Variants in LMLN observed in about 807,000 individuals in gnomAD.
LMLN encodes the protein leishmanolysin like peptidase.
A neutral mutation model predicts 92.3 loss-of-function variants in LMLN; 70 were observed. The ratio of observed to expected loss-of-function variants is 0.76; its 90% CI spans 0.63 to 0.92. The LOEUF is 0.92. Ranked by LOEUF, LMLN falls within the 40% of genes least tolerant of loss-of-function variation. The pLI is 0.00. For synonymous variants in LMLN, 308 were observed against 296.2 expected, an observed-to-expected ratio of 1.04 and a Z score of -0.41; for missense variants, 691 against 814.6, an observed-to-expected ratio of 0.85 and a Z score of 1.85.
chr3:198,038,361 A>C (rs1462450474), intron 15 of LMLN: 5 of 494,558 alleles, frequency 1.0e-5, no homozygotes, highest in East Asian at 6.8e-5. Context: ...CATAGTGGAT[A>C]CATCATTTCT....
intron 14 of LMLN, among the ~76,000 whole-genome samples, chr3:198,026,790 A>G (rs1395816706): frequency 6.6e-6 from 1 of 152,112 alleles, no homozygotes; most frequent in African/African-American, 2.4e-5. Flanking sequence ...TTGGTGTTAG[A>G]GACTAAGATC....
chr3:198,025,146 G>C lies in LMLN; in HGVS notation c.1656+358G>C, dbSNP rs1334617681. Among the ~76,000 whole-genome samples the C allele has an allele frequency of 6.6e-6, 1 of 152,136 alleles. No homozygotes were observed. The highest frequency in any genetic ancestry group is 2.4e-5 in the African/African-American group (1 of 41,424). ...AGGACCTCATGGGTTATAAGAATTA[G>C]TAAATCAGGCTGGACGTGGTGGCTC... On this transcript the variant is annotated intron_variant, in intron 14 of 15. Coordinates refer to ENST00000330198, the Ensembl canonical transcript of LMLN. This position sits in a 1 kb window ranked among gnomAD's most constrained non-coding sequence, Gnocchi z 4.3.
intron 11 of LMLN, among the ~76,000 whole-genome samples, chr3:198,016,471 C>T (rs1722645334): frequency 6.6e-6 from 1 of 152,188 alleles, no homozygotes. Context: ...TCTCCATACC[C>T]CAGTTACTAA....
At chr3:198,000,848 T>G (rs1722152874) in intron 11 of LMLN, among the ~76,000 whole-genome samples, 1 of 152,224 alleles carries the variant, frequency 6.6e-6, no homozygotes, top group South Asian at 2.1e-4. Context: ...GAGCTAAGGC[T>G]TCATGAAACA....
rs147982481 is a variant in LMLN at position 197,999,519 on chromosome 3, A to G, written c.1232+177A>G. 1.3e-3 allele frequency: 759 copies of G among 594,118 alleles called. 8 individuals are homozygous for G. The highest frequency in any genetic ancestry group is 0.013 in the African/African-American group (680 of 53,678). 36.8% of individuals were successfully genotyped at this position (594,118 alleles called of 1,614,324 possible). The stretch of plus-strand genomic sequence containing the variant: ...ACCAACTCCATTCATTCATTCGTTC[A>G]TTCAATAAATACTTTTGTTGTTGGT... On this transcript the variant is annotated intron_variant, in intron 11 of 15. Coordinates refer to ENST00000330198, the Ensembl canonical transcript of LMLN.
At chr3:198,001,441 G>A (rs1008959216) in intron 11 of LMLN, among the ~76,000 whole-genome samples, 1 of 152,124 alleles carries the variant, frequency 6.6e-6, no homozygotes, top group Non-Finnish European at 1.5e-5. Flanking sequence ...TGCGCTCATC[G>A]ACATGTACCT....
chr3:198,008,008 C>T (rs529370149), intron 11 of LMLN, among the ~76,000 whole-genome samples: 42 of 152,114 alleles, frequency 2.8e-4, no homozygotes, highest in Admixed American at 1.4e-3. Context: ...TGATTTTTTT[C>T]GCCTGTTAAT....
intron 14 of LMLN, among the ~76,000 whole-genome samples, chr3:198,026,498 A>G (rs911520636): frequency 5.2e-4 from 78 of 150,230 alleles, no homozygotes; most frequent in Non-Finnish European, 8.0e-4. Flanking sequence ...TTGTATTTTT[A>G]GTACAAAAAT....
chr3:198,027,348 C>G (rs1272884157), intron 14 of LMLN, among the ~76,000 whole-genome samples: 1 of 152,026 alleles, frequency 6.6e-6, no homozygotes, highest in African/African-American at 2.4e-5. Flanking sequence ...GGAGGGATCA[C>G]TGGGCTTTTT....
chr3:197,964,442 C>G (rs1720992072), intron 1 of LMLN, among the ~76,000 whole-genome samples: 1 of 150,008 alleles, frequency 6.7e-6, no homozygotes, highest in African/African-American at 2.4e-5. Context: ...GCTCTGTTGC[C>G]CAGGCTGGAG....
intron 11 of LMLN, among the ~76,000 whole-genome samples, 175 bp from the exon 12 acceptor site, chr3:198,002,840 T>C (rs1303428954): frequency 1.3e-5 from 2 of 152,270 alleles, no homozygotes; most frequent in Non-Finnish European, 2.9e-5. Context: ...AATCCCTGTG[T>C]AGCAGTCCCT....
chr3:198,018,953 G>A (rs1722711928), intron 11 of LMLN, among the ~76,000 whole-genome samples: 1 of 152,180 alleles, frequency 6.6e-6, no homozygotes, highest in Admixed American at 6.5e-5. Context: ...TAATGGAACA[G>A]AACAAGTTGA....
chr3:197,970,569 T>C (rs1248922398), intron 1 of LMLN, among the ~76,000 whole-genome samples: 6 of 152,106 alleles, frequency 3.9e-5, no homozygotes, highest in Admixed American at 3.9e-4. Context: ...ATTCTTAGAG[T>C]CCAGGGTTTT....
intron 11 of LMLN, among the ~76,000 whole-genome samples, chr3:198,009,340 T>C (rs1722373453): frequency 6.6e-6 from 1 of 152,204 alleles, no homozygotes; most frequent in Admixed American, 6.5e-5. Context: ...ATGTTTAGGA[T>C]TGTTATATTT....
chr3:197,987,978 CT>C (rs1160811000), intron 8 of LMLN, among the ~76,000 whole-genome samples: 3 of 152,078 alleles, frequency 2.0e-5, no homozygotes, highest in African/African-American at 7.2e-5. Context: ...CTTGTCCAGT[CT>C]TTTAGGTTAA....
rs767930315 is a variant in LMLN at position 198,036,059 on chromosome 3, G to T, written c.1867+16G>T. 1.2e-6 allele frequency: 2 copies of T among 1,606,092 alleles called. No individual in the cohort carries two copies. The highest frequency in any genetic ancestry group is 2.2e-5 in the East Asian group (1 of 44,842). On this transcript the variant is annotated intron_variant, in intron 15 of 15. Transcript: ENST00000330198. ...CTGCCACTTGGTGAGTGCTCTCTATGGTTGGAATAAAGAGGGAAAAGTGAA... is the reference window on the plus strand; with the variant it reads ...CTGCCACTTGGTGAGTGCTCTCTATTGTTGGAATAAAGAGGGAAAAGTGAA...
At chr3:197,960,893 A>T (rs985626800) in intron 1 of LMLN, among the ~76,000 whole-genome samples, 1 of 152,256 alleles carries the variant, frequency 6.6e-6, no homozygotes, top group East Asian at 1.9e-4. Context: ...TTGAACGGAG[A>T]GCCAGATAGA....
intron 6 of LMLN, among the ~76,000 whole-genome samples, chr3:197,981,771 T>G (rs1275139811): frequency 3.3e-5 from 5 of 151,430 alleles, no homozygotes; most frequent in African/African-American, 9.7e-5. Context: ...GATTTGAGAT[T>G]AGCGATTAGC....
intron 11 of LMLN, among the ~76,000 whole-genome samples, chr3:198,015,952 C>T (rs191228374): frequency 2.0e-4 from 31 of 152,138 alleles, no homozygotes; most frequent in African/African-American, 7.5e-4. Flanking sequence ...TACCTGTAAT[C>T]CCAGCAGTTT....
Sources: allele counts gnomAD v4.1 joint callset (sites outside exome capture counted in the v4.1 genomes callset), GRCh38; gene constraint gnomAD v4.1.1; non-coding constraint Gnocchi (gnomAD v3.1); transcripts MANE v1.5; gene names NCBI Gene and HGNC (gene_info 2026-07-23, HGNC 2026-07-21).